The following BRINP3 variants were observed in gnomAD, a reference collection of about 807,000 sequenced individuals.
BRINP3 encodes the protein BMP/retinoic acid-inducible neural-specific protein 3.
In BRINP3, 19 loss-of-function variants were observed where a neutral mutation model predicts 71.0. The observed-to-expected ratio is 0.27, with a 90% CI of 0.19 to 0.39. The LOEUF (loss-of-function observed/expected upper bound fraction) is 0.39. Among genes scored for constraint, BRINP3 ranks in the 10% least tolerant of loss-of-function variants. The pLI is 1.00. For missense variants in BRINP3, 959 were observed against 940.8 expected (o/e 1.02, Z -0.25); for synonymous variants, 380 against 337.7 (o/e 1.13, Z -1.37).
intron 4 of BRINP3, among the ~76,000 whole-genome samples, chr1:190,257,121 A>G (rs1350473436): frequency 2.0e-5 from 3 of 152,164 alleles, no homozygotes; most frequent in Non-Finnish European, 4.4e-5. Context: ...TTTCACGTAC[A>G]CCAATCAAAC....
chr1:190,198,082 G>GCTA (rs1654650741), intron 6 of BRINP3, among the ~76,000 whole-genome samples: 2 of 151,850 alleles, frequency 1.3e-5, no homozygotes, highest in African/African-American at 4.8e-5. Context: ...AAGGCTTGAA[G>GCTA]CTACCAACCC....
chr1:190,277,015 T>C (rs1345639938), intron 3 of BRINP3, among the ~76,000 whole-genome samples: 2 of 143,162 alleles, frequency 1.4e-5, no homozygotes, highest in East Asian at 2.1e-4. Flanking sequence ...GAATAAAAAC[T>C]ATTCTTCAAA....
In BRINP3 at chr1:190,174,425, CAT is replaced by C. The variant is rs1209305732; in HGVS notation, c.962-13537_962-13536del. ...ATAGATCCATACGTATATATACACA[CAT>C]ATACATGTACACACATACACACATG... On this transcript the variant is annotated intron_variant, in intron 6 of 7. Coordinates refer to ENST00000367462, the MANE Select transcript of BRINP3 (RefSeq NM_199051.3). Among the ~76,000 whole-genome samples the C allele has an allele frequency of 9.2e-5, 14 of 152,098 alleles. No homozygotes were observed. In the East Asian group the frequency reaches 2.7e-3, roughly 29 times the overall value.
intron 3 of BRINP3, among the ~76,000 whole-genome samples, chr1:190,277,687 T>G (rs1662703656): frequency 6.6e-6 from 1 of 151,744 alleles, no homozygotes; most frequent in Admixed American, 6.6e-5. Context: ...ACAGATACAC[T>G]TTAATTTTAG....
At chr1:190,115,291 G>A (rs1398751539) in intron 7 of BRINP3, among the ~76,000 whole-genome samples, 1 of 152,070 alleles carries the variant, frequency 6.6e-6, no homozygotes, top group Non-Finnish European at 1.5e-5. Flanking sequence ...ACAATTCTCA[G>A]CAAAGTAGAA....
At chr1:190,417,413 T>C (rs1404325124) in intron 2 of BRINP3, among the ~76,000 whole-genome samples, 1 of 152,174 alleles carries the variant, frequency 6.6e-6, no homozygotes, top group Non-Finnish European at 1.5e-5. Flanking sequence ...ATCAATACAA[T>C]ATACCTATTA....
chr1:190,098,160 C>T lies in BRINP3; in HGVS notation c.2159G>A (p.Arg720His), dbSNP rs373583743. Residue 720 changes from arginine to histidine, a missense_variant, in exon 8 of 8, where the codon CGT becomes CAT. Arg to His is a conservative substitution (Grantham distance 29, BLOSUM62 0). Transcript: ENST00000367462. Reference protein sequence around the residue: ...VNKLSPPGQRRLDLFSCLLRH... With the variant: ...VNKLSPPGQRHLDLFSCLLRH... ...AAGCAAGCAAGAGAAAAGATCTAGACGACGCTGACCAGGTGGGGAGAGTTT... is the reference window on the plus strand; with the variant it reads ...AAGCAAGCAAGAGAAAAGATCTAGATGACGCTGACCAGGTGGGGAGAGTTT... The T allele has an allele frequency of 3.1e-6, 5 of 1,614,094 alleles. No individual in the cohort carries two copies. Among genetic ancestry groups the T allele is most frequent in the Admixed American group, 1.7e-5 (1 of 60,020 alleles).
chr1:190,139,005 T>G (rs914974767), intron 7 of BRINP3, among the ~76,000 whole-genome samples: 1 of 152,024 alleles, frequency 6.6e-6, no homozygotes, highest in Admixed American at 6.6e-5. Flanking sequence ...GAAAAAGCCT[T>G]GAGAGGGAAT....
chr1:190,228,970 T>C (rs1657674626), intron 5 of BRINP3, among the ~76,000 whole-genome samples: 1 of 151,926 alleles, frequency 6.6e-6, no homozygotes, highest in Admixed American at 6.6e-5. Context: ...CAGAGTAAAA[T>C]ATGAATGTTT....
At chr1:190,301,176 C>CCT (rs1664666420) in intron 2 of BRINP3, among the ~76,000 whole-genome samples, 1 of 102,452 alleles carries the variant, frequency 9.8e-6, no homozygotes, top group Non-Finnish European at 1.9e-5. Context: ...CATATATATA[C>CCT]ATATATATAT....
intron 4 of BRINP3, among the ~76,000 whole-genome samples, chr1:190,263,708 G>A (rs977541972): frequency 2.0e-5 from 3 of 150,404 alleles, no homozygotes; most frequent in African/African-American, 4.9e-5. Context: ...TCCTGCCTCA[G>A]CCTCCCAGTA....
chr1:190,156,938 A>G (rs973316914), intron 7 of BRINP3, among the ~76,000 whole-genome samples: 1 of 152,026 alleles, frequency 6.6e-6, no homozygotes, highest in African/African-American at 2.4e-5. Context: ...GCATTTTTGT[A>G]TGTCAACTTA....
intron 2 of BRINP3, among the ~76,000 whole-genome samples, chr1:190,385,975 G>A (rs1475359700): frequency 8.2e-5 from 12 of 146,468 alleles, no homozygotes; most frequent in African/African-American, 2.8e-4. Flanking sequence ...GTAAACTATC[G>A]CAAGAACAAA....
chr1:190,253,440 T>C (rs1333442238), intron 4 of BRINP3, among the ~76,000 whole-genome samples: 2 of 152,168 alleles, frequency 1.3e-5, no homozygotes, highest in African/African-American at 4.8e-5. Context: ...GCATCTGTTG[T>C]TTCCTGACTT....
intron 3 of BRINP3, among the ~76,000 whole-genome samples, chr1:190,267,702 A>C (rs541838530): frequency 6.6e-6 from 1 of 152,120 alleles, no homozygotes; most frequent in Non-Finnish European, 1.5e-5. Flanking sequence ...AGAAAATTAC[A>C]TAACGAATTG....
chr1:190,350,656 A>G (rs1668318164), intron 2 of BRINP3, among the ~76,000 whole-genome samples: 1 of 152,058 alleles, frequency 6.6e-6, no homozygotes, highest in African/African-American at 2.4e-5. Flanking sequence ...ATCTAAATCT[A>G]AATGCCTACC....
intron 4 of BRINP3, among the ~76,000 whole-genome samples, 186 bp downstream of exon 4, chr1:190,264,679 A>G (rs1475763864): frequency 6.6e-6 from 1 of 152,162 alleles, no homozygotes; most frequent in East Asian, 1.9e-4. Flanking sequence ...TCAAGTAAAT[A>G]TTATATTGAA....
chr1:190,179,941 G>C (rs1460524414), intron 6 of BRINP3, among the ~76,000 whole-genome samples: 4 of 152,070 alleles, frequency 2.6e-5, no homozygotes, highest in African/African-American at 9.7e-5. Flanking sequence ...CTGTAAAGTG[G>C]AATAATGTTG....
At chr1:190,467,070 T>C (rs1676805734) in intron 1 of BRINP3, among the ~76,000 whole-genome samples, 1 of 151,574 alleles carries the variant, frequency 6.6e-6, no homozygotes, top group Non-Finnish European at 1.5e-5. Context: ...ATAGTTATTC[T>C]TTAATACCCT....
Sources: gnomAD v4.1 joint callset for allele counts (sites outside exome capture counted in the v4.1 genomes callset) on GRCh38, gnomAD v4.1.1 for gene constraint, MANE v1.5 for transcripts, NCBI Gene and HGNC (gene_info 2026-07-23, HGNC 2026-07-21) for gene names.